Variants in RHOQ observed in about 807,000 individuals in gnomAD.
RHOQ encodes ras homolog family member Q.
A neutral mutation model predicts 25.8 loss-of-function variants in RHOQ; 7 were observed. That is an observed-to-expected ratio of 0.27 (90% CI 0.15 to 0.51). RHOQ has a LOEUF of 0.51. RHOQ is among the 20% of genes least tolerant of loss of function. The pLI, the probability that RHOQ is intolerant of heterozygous loss-of-function variation, is 0.97. For synonymous variants in RHOQ, 97 were observed against 98.6 expected (o/e 0.98, Z 0.10); for missense variants, 165 against 260.6 (o/e 0.63, Z 2.53).
chr2:46,576,107 G>A lies in RHOQ; in HGVS notation c.222G>A (p.Arg74=). Residue 74 remains arginine (R), a synonymous_variant, in exon 3 of 5, where the codon AGG becomes AGA. Coordinates refer to ENST00000238738, the MANE Select transcript of RHOQ (RefSeq NM_012249.4). This position sits in a 1 kb window ranked among gnomAD's most constrained non-coding sequence, Gnocchi z 5.1. ...TAGQEDYDRL[R]PLSYPMTDVF... is the part of the protein sequence containing the mutation. ...CTCAGGAAGACTATGACCGTCTGAG[G>A]CCTTTATCTTACCCAATGACCGATG... The A allele has an allele frequency of 1.2e-6, 2 of 1,608,660 alleles. No individual in the cohort carries two copies. Among genetic ancestry groups the A allele is most frequent in the Middle Eastern group, 1.7e-4 (1 of 6,010 alleles).
chr2:46,570,725 A>G (rs1668886627), intron 2 of RHOQ, among the ~76,000 whole-genome samples: 1 of 152,200 alleles, frequency 6.6e-6, no homozygotes, highest in South Asian at 2.1e-4. Context: ...TACTGCACAG[A>G]CCACAAAGCC....
chr2:46,583,240 TAACAGA>T lies in RHOQ; in HGVS notation c.*2164_*2169del, dbSNP rs1669461702. On this transcript the variant is annotated 3_prime_UTR_variant, in exon 5 of 5. Transcript: ENST00000238738. ...TAGAAGTCTAGAATTTGCCCTGCCCTAACAGAAACAGATTAGGAATTTGTCTACACA... is the reference window on the plus strand; with the variant it reads ...TAGAAGTCTAGAATTTGCCCTGCCCTAACAGATTAGGAATTTGTCTACACA... 1 of 152,128 alleles carries T rather than the reference TAACAGA, an allele frequency of 6.6e-6. No homozygotes were observed. Among genetic ancestry groups the T allele is most frequent in the Non-Finnish European group, 1.5e-5 (1 of 67,990 alleles). 9.4% of individuals were successfully genotyped at this position (152,128 alleles called of 1,614,324 possible).
chr2:46,561,001 A>AAC (rs61040858), intron 2 of RHOQ, among the ~76,000 whole-genome samples: 3,478 of 141,276 alleles, frequency 0.025, 66 homozygotes, highest in South Asian at 0.11. Flanking sequence ...AGACCCCATA[A>AAC]ACACACACAC....
At chr2:46,568,792 C>T (rs1415618682) in intron 2 of RHOQ, 4 of 152,144 alleles carry the variant, frequency 2.6e-5, no homozygotes, top group African/African-American at 9.7e-5. Context: ...CTCTGCTGTC[C>T]TCTACACAGA....
In RHOQ at chr2:46,566,615, T is replaced by A. The variant is rs752321062; in HGVS notation, c.202-9472T>A. Among the ~76,000 whole-genome samples the A allele has an allele frequency of 3.3e-5, 5 of 152,136 alleles. No homozygotes were observed. Among genetic ancestry groups the A allele is most frequent in the Non-Finnish European group, 7.3e-5 (5 of 68,030 alleles). On this transcript the variant is annotated intron_variant, in intron 2 of 4. Coordinates refer to ENST00000238738, the MANE Select transcript of RHOQ (RefSeq NM_012249.4). The surrounding 1 kb of genome is among the most constrained non-coding windows in gnomAD (Gnocchi z 4.2). ...GATTATCGTTTTCAAATTTTGTGACTTTTTTGCGGGGGTCGGGGGCTCACC... is the reference window on the plus strand; with the variant it reads ...GATTATCGTTTTCAAATTTTGTGACATTTTTGCGGGGGTCGGGGGCTCACC...
intron 2 of RHOQ, among the ~76,000 whole-genome samples, chr2:46,567,081 A>T (rs1170835369): frequency 1.3e-5 from 2 of 152,192 alleles, no homozygotes; most frequent in African/African-American, 4.8e-5. Context: ...ACCTCCCTAT[A>T]CATGTAATTT....
chr2:46,579,015 G>A (rs1669244974), intron 4 of RHOQ, among the ~76,000 whole-genome samples: 1 of 152,058 alleles, frequency 6.6e-6, no homozygotes, highest in African/African-American at 2.4e-5. Context: ...GACGTACTTA[G>A]AGCTACAAAG....
intron 4 of RHOQ, 47 bp from the exon 5 acceptor site, chr2:46,580,881 G>T: frequency 2.2e-6 from 3 of 1,344,652 alleles, no homozygotes; most frequent in South Asian, 1.8e-5. Context: ...CATGCCAATT[G>T]TATAAACATG....
intron 2 of RHOQ, among the ~76,000 whole-genome samples, chr2:46,570,927 G>C (rs1668893809): frequency 6.6e-6 from 1 of 152,218 alleles, no homozygotes; most frequent in Admixed American, 6.5e-5. Context: ...TTACATCAAA[G>C]TACTATCCTG....
Position 46,556,788 on chromosome 2 carries a change from T to G in RHOQ, c.201+12976T>G, listed in dbSNP as rs1572741458. On this transcript the variant is annotated intron_variant, in intron 2 of 4. Transcript: ENST00000238738. The surrounding 1 kb of genome is among the most constrained non-coding windows in gnomAD (Gnocchi z 4.9). ...ATGTGAGTGAGGAGTGTTAGAAAGGTGCCCAACTACCCGGCTGTTTGACCT... is the reference window on the plus strand; with the variant it reads ...ATGTGAGTGAGGAGTGTTAGAAAGGGGCCCAACTACCCGGCTGTTTGACCT... 6.6e-6 allele frequency among the ~76,000 whole-genome samples: 1 copy of G among 152,080 alleles called. No individual in the cohort carries two copies. The highest frequency in any genetic ancestry group is 1.5e-5 in the Non-Finnish European group (1 of 68,022).
chr2:46,546,503 TATATATATGTATATAC>T (rs1371931619), intron 2 of RHOQ, among the ~76,000 whole-genome samples: 678 of 20,686 alleles, frequency 0.033, 82 homozygotes, highest in African/African-American at 0.066. Flanking sequence ...TATATATATA[TATATATATGTATATAC>T]ATATATATAT....
Position 46,566,565 on chromosome 2 carries a change from A to G in RHOQ, c.202-9522A>G, listed in dbSNP as rs973673385. The stretch of plus-strand genomic sequence containing the variant: ...TCTCCCCTTATAAGCCTGACTGCCT[A>G]ATTCATTCTTCTCAAAGTAGCCTGG... On this transcript the variant is annotated intron_variant, in intron 2 of 4. Coordinates refer to ENST00000238738, the MANE Select transcript of RHOQ (RefSeq NM_012249.4). This position sits in a 1 kb window ranked among gnomAD's most constrained non-coding sequence, Gnocchi z 4.2. Among the ~76,000 whole-genome samples, 4 of 152,122 alleles carry G rather than the reference A, an allele frequency of 2.6e-5. No homozygotes were observed. The East Asian group carries it at 7.7e-4, about 29-fold the overall frequency.
chr2:46,544,706 T>A (rs1271635535), intron 2 of RHOQ, among the ~76,000 whole-genome samples: 1 of 152,180 alleles, frequency 6.6e-6, no homozygotes, highest in Non-Finnish European at 1.5e-5. Flanking sequence ...ATGATTAGAG[T>A]TGAAGACTCT....
At chr2:46,547,126 T>C (rs1668095098) in intron 2 of RHOQ, among the ~76,000 whole-genome samples, 1 of 152,236 alleles carries the variant, frequency 6.6e-6, no homozygotes, top group Admixed American at 6.5e-5. Flanking sequence ...GGTTCTACTT[T>C]CAGAGAGTTA....
intron 2 of RHOQ, among the ~76,000 whole-genome samples, chr2:46,544,859 C>G (rs1572731932): frequency 1.3e-5 from 2 of 152,186 alleles, no homozygotes; most frequent in Admixed American, 6.5e-5. Flanking sequence ...AAGATGATCC[C>G]CTGGTGCAGA....
At chr2:46,572,275 G>A (rs1183717688) in intron 2 of RHOQ, among the ~76,000 whole-genome samples, 2 of 151,706 alleles carry the variant, frequency 1.3e-5, no homozygotes, top group Non-Finnish European at 2.9e-5. Flanking sequence ...GCTAATTTTT[G>A]TATTTTTAGT....
At chr2:46,574,616 G>C (rs897344002) in intron 2 of RHOQ, among the ~76,000 whole-genome samples, 13 of 152,120 alleles carry the variant, frequency 8.5e-5, no homozygotes, top group Admixed American at 2.0e-4. Context: ...AAGATTGGGG[G>C]TGGCATTTCC....
rs1313564618 is a variant in RHOQ at position 46,555,352 on chromosome 2, G to GGACT, written c.201+11542_201+11545dup. Among the ~76,000 whole-genome samples, 1 of 152,216 alleles carries GGACT rather than the reference G, an allele frequency of 6.6e-6. No homozygotes were observed. The highest frequency in any genetic ancestry group is 1.5e-5 in the Non-Finnish European group (1 of 68,036). ...AACTCTTCCCCTTGCCGTCCCTGCA[G>GGACT]GACTGCACGTAGCACATAGCACTTT... On this transcript the variant is annotated intron_variant, in intron 2 of 4. Coordinates refer to ENST00000238738, the MANE Select transcript of RHOQ (RefSeq NM_012249.4). The surrounding 1 kb of genome is among the most constrained non-coding windows in gnomAD (Gnocchi z 4.3).
rs1369381386 is a variant in RHOQ, at chr2:46,552,325, C to T, written c.201+8513C>T. ...TGCTCAAGTACGTGTGGAAGAAGCT[C>T]ATGCCATTTGCCTAAAGCTGTGGCC... is the stretch of plus-strand genomic sequence containing the variant. On this transcript the variant is annotated intron_variant, in intron 2 of 4. Transcript: ENST00000238738. This position sits in a 1 kb window ranked among gnomAD's most constrained non-coding sequence, Gnocchi z 5.0. Among the ~76,000 whole-genome samples, 2 of 152,192 alleles carry T rather than the reference C, an allele frequency of 1.3e-5. No individual in the cohort carries two copies. The highest frequency in any genetic ancestry group is 6.5e-5 in the Admixed American group (1 of 15,286).
Sources: allele counts gnomAD v4.1 joint callset (sites outside exome capture counted in the v4.1 genomes callset), GRCh38; gene constraint gnomAD v4.1.1; non-coding constraint Gnocchi (gnomAD v3.1); transcripts MANE v1.5; gene names NCBI Gene and HGNC (gene_info 2026-07-23, HGNC 2026-07-21).